Variants in ARMC2 observed in about 807,000 individuals in gnomAD.
The protein encoded by ARMC2 is armadillo repeat containing 2, also known as armadillo repeat-containing protein 2.
Under a neutral mutation model 90.3 loss-of-function variants are expected in ARMC2, and 67 were observed. That is an observed-to-expected ratio of 0.74 (90% CI 0.61 to 0.91). The LOEUF is 0.91. Ranked by LOEUF, ARMC2 falls within the 40% of genes least tolerant of loss-of-function variation. The probability of loss-of-function intolerance (pLI) is 0.00; values close to 1 mark genes in which losing one functional copy is unlikely to be tolerated. For synonymous variants in ARMC2, 393 were observed against 393.0 expected, an observed-to-expected ratio of 1.00 and a Z score of 0.00; for missense variants, 920 against 1,030.9, an observed-to-expected ratio of 0.89 and a Z score of 1.47.
chr6:108,953,590 C>G (rs1777359934), intron 13 of ARMC2, among the ~76,000 whole-genome samples: 1 of 152,154 alleles, frequency 6.6e-6, no homozygotes, highest in African/African-American at 2.4e-5. Flanking sequence ...CCCACCAAAT[C>G]GTACACTTTA....
the ARMC2 span, chr6:109,008,919 ATGAAGG>A: frequency 7.1e-6 from 7 of 987,932 alleles, no homozygotes; most frequent in Non-Finnish European, 7.2e-6. Flanking sequence ...GGCAAAGGGG[ATGAAGG>A]TGGCTAAATA....
chr6:108,882,479 A>G (rs1777697269), intron 5 of ARMC2, among the ~76,000 whole-genome samples: 1 of 151,850 alleles, frequency 6.6e-6, no homozygotes, highest in South Asian at 2.1e-4. Flanking sequence ...TCTTTGGGTT[A>G]TAAGAATTTA....
intron 12 of ARMC2, among the ~76,000 whole-genome samples, chr6:108,949,857 A>T (rs1475261673): frequency 6.6e-6 from 1 of 152,136 alleles, no homozygotes. Flanking sequence ...TGAGAAGATG[A>T]CCCCTGGCCC....
chr6:108,881,296 C>CCCTTCCTTCCTT lies in ARMC2; in HGVS notation c.671+4956_671+4967dup, dbSNP rs148587003. ...TCTCTCCCTCCCCTCCCCTCCCCTC[C>CCCTTCCTTCCTT]CCTTCCTTCCTTCCTTCCTTCACTC... On this transcript the variant is annotated intron_variant, in intron 5 of 17. Coordinates refer to ENST00000392644, the MANE Select transcript of ARMC2 (RefSeq NM_032131.6). 2.2e-3 allele frequency among the ~76,000 whole-genome samples: 172 copies of CCCTTCCTTCCTT among 78,228 alleles called. 4 individuals carry two copies. The highest frequency in any genetic ancestry group is 1.9e-3 in the South Asian group (3 of 1,558). 51.3% of individuals were successfully genotyped at this position (78,228 alleles called of 152,430 possible). A position where few individuals can be genotyped will look rare whatever the true frequency, so the allele number is the denominator to read the frequency against.
At chr6:108,890,576 T>A (rs1278235231) in intron 5 of ARMC2, among the ~76,000 whole-genome samples, 1 of 151,282 alleles carries the variant, frequency 6.6e-6, no homozygotes, top group African/African-American at 2.4e-5. Flanking sequence ...AAAAAAAAAA[T>A]TAATGATGAG....
chr6:108,986,370 G>GA, the ARMC2 span: 17 of 152,640 alleles, frequency 1.1e-4, no homozygotes, highest in African/African-American at 3.4e-4. Flanking sequence ...GCTTATGAAA[G>GA]TAGATAGAAA....
At chr6:108,951,128 G>A (rs1480122405) in intron 12 of ARMC2, among the ~76,000 whole-genome samples, 1 of 152,202 alleles carries the variant, frequency 6.6e-6, no homozygotes, top group Non-Finnish European at 1.5e-5. Context: ...TGGATGTACA[G>A]AGAGGCCAAG....
chr6:108,957,573 C>G (rs1777689246), intron 13 of ARMC2, among the ~76,000 whole-genome samples: 2 of 152,194 alleles, frequency 1.3e-5, no homozygotes, highest in South Asian at 4.1e-4. Context: ...CTGATGGCTC[C>G]TGTGGCATGG....
chr6:108,885,423 C>T (rs549138872), intron 5 of ARMC2, among the ~76,000 whole-genome samples: 1 of 152,092 alleles, frequency 6.6e-6, no homozygotes, highest in Non-Finnish European at 1.5e-5. Context: ...AAGTGATAAT[C>T]TGGCTGGACA....
intron 1 of ARMC2, chr6:108,848,901 A>C (rs1773717621): frequency 6.6e-6 from 1 of 152,140 alleles, no homozygotes; most frequent in Non-Finnish European, 1.5e-5. Context: ...TAGAGAGACG[A>C]TGAGTGCCCT....
chr6:108,912,489 A>G lies in ARMC2; in HGVS notation c.1281A>G (p.Ile427Met). Reference protein sequence around the residue: ...KGAVEILINLIKQINENIKKC... With the variant: ...KGAVEILINLMKQINENIKKC... ...CTGTGGAAATACTGATAAATTTGAT[A>G]AAACAAATAAATGAGAACATCAAGA... The change falls in exon 10 of 18, where the codon ATA becomes ATG. Residue 427 changes from isoleucine (I) to methionine (M), a missense_variant. Transcript: ENST00000392644. 2.5e-6 allele frequency: 4 copies of G among 1,614,032 alleles called. No individual in the cohort carries two copies. The highest frequency in any genetic ancestry group is 3.4e-6 in the Non-Finnish European group (4 of 1,179,878).
intron 13 of ARMC2, 73 bp downstream of exon 13, chr6:108,953,424 G>C (rs1261518608): frequency 1.4e-6 from 2 of 1,422,456 alleles, no homozygotes; most frequent in East Asian, 2.4e-5. Flanking sequence ...TTCTGTGTCT[G>C]TGGTGTGATG....
chr6:108,956,284 G>A (rs1358132344), intron 13 of ARMC2, among the ~76,000 whole-genome samples: 1 of 152,080 alleles, frequency 6.6e-6, no homozygotes, highest in Non-Finnish European at 1.5e-5. Flanking sequence ...CACATATAAA[G>A]TGAAAAAACT....
At chr6:109,008,888 TTCTC>T in the ARMC2 span, 26 of 986,326 alleles carry the variant, frequency 2.6e-5, no homozygotes, top group South Asian at 9.8e-4. Flanking sequence ...TTTTTTTTCT[TTCTC>T]TCTCTTTTAA....
intron 13 of ARMC2, chr6:108,959,412 G>C (rs999006230): frequency 5.9e-5 from 9 of 152,398 alleles, no homozygotes; most frequent in African/African-American, 2.2e-4. Flanking sequence ...ATACAGGAAA[G>C]AAAAGGCACT....
chr6:108,935,527 C>T (rs994698929), intron 11 of ARMC2, among the ~76,000 whole-genome samples: 16 of 152,010 alleles, frequency 1.1e-4, no homozygotes, highest in Non-Finnish European at 1.9e-4. Context: ...CTGCAACCTT[C>T]GCCTCCCAGG....
At chr6:108,849,673 C>A (rs1205728303) in intron 1 of ARMC2, among the ~76,000 whole-genome samples, 1 of 152,174 alleles carries the variant, frequency 6.6e-6, no homozygotes, top group East Asian at 1.9e-4. Flanking sequence ...TAATTGTTAA[C>A]ATCTTTAAGG....
chr6:108,977,784 A>C (rs2128523572), downstream of ARMC2, among the ~76,000 whole-genome samples: 1 of 152,156 alleles, frequency 6.6e-6, no homozygotes, highest in African/African-American at 2.4e-5. Context: ...GTTTATTTGC[A>C]TATAGGTGTT....
At chr6:109,037,888 G>A in the ARMC2 span, among the ~76,000 whole-genome samples, 1 of 151,834 alleles carries the variant, frequency 6.6e-6, no homozygotes, top group East Asian at 1.9e-4. Context: ...TTTAGTTGAT[G>A]TTCAACGATG....
Sources: allele counts gnomAD v4.1 joint callset (sites outside exome capture counted in the v4.1 genomes callset), GRCh38; gene constraint gnomAD v4.1.1; transcripts MANE v1.5; gene names NCBI Gene and HGNC (gene_info 2026-07-23, HGNC 2026-07-21).